The following CFAP46 variants were observed in gnomAD, a reference collection of about 807,000 sequenced individuals.
CFAP46 encodes cilia- and flagella-associated protein 46.
Under a neutral mutation model 325.7 loss-of-function variants are expected in CFAP46, and 245 were observed. The ratio of observed to expected loss-of-function variants is 0.75; its 90% confidence interval spans 0.68 to 0.84. The LOEUF is 0.84. Among genes scored for constraint, CFAP46 ranks in the 40% least tolerant of loss-of-function variants. The probability of loss-of-function intolerance (pLI) is 0.00; values close to 1 mark genes in which losing one functional copy is unlikely to be tolerated. For missense variants in CFAP46, 3,346 were observed against 3,543.0 expected (o/e 0.94, Z 1.41); for synonymous variants, 1,523 against 1,495.9 (o/e 1.02, Z -0.42).
At position 132,847,362 on chromosome 10, in the gene CFAP46, C is replaced by G; in HGVS notation, c.5953-41G>C. On this transcript the variant is annotated intron_variant, in intron 41 of 57. Coordinates refer to ENST00000368586, the MANE Select transcript of CFAP46 (RefSeq NM_001200049.3). The surrounding 1 kb of genome is among the most constrained non-coding windows in gnomAD (Gnocchi z 5.2). ...CAGGTTGGCAGACACTTCTGGGTTCCTGCTTGGTCGGCGTGGGGAGGGCCC... is the reference window on the plus strand; with the variant it reads ...CAGGTTGGCAGACACTTCTGGGTTCGTGCTTGGTCGGCGTGGGGAGGGCCC... 6.2e-7 allele frequency: 1 copy of G among 1,606,792 alleles called. No individual in the cohort carries two copies. Among genetic ancestry groups the G allele is most frequent in the Non-Finnish European group, 8.5e-7 (1 of 1,175,144 alleles).
intron 35 of CFAP46, among the ~76,000 whole-genome samples, chr10:132,861,540 C>T (rs957921222): frequency 5.3e-5 from 8 of 152,326 alleles, no homozygotes; most frequent in Middle Eastern, 6.8e-3. Context: ...GGATGCTGAG[C>T]GGCTCAGAGC....
chr10:132,890,531 G>A (rs761148950), intron 25 of CFAP46, among the ~76,000 whole-genome samples: 1 of 152,200 alleles, frequency 6.6e-6, no homozygotes, highest in African/African-American at 2.4e-5. Flanking sequence ...CCAGCAACCA[G>A]TGCGGAGTCC....
intron 19 of CFAP46, among the ~76,000 whole-genome samples, chr10:132,912,414 A>ATC (rs202173092): frequency 3.3e-5 from 2 of 60,758 alleles, no homozygotes; most frequent in Non-Finnish European, 3.3e-5. Context: ...CTCTCTGCTC[A>ATC]TCTCTCTCTC....
At chr10:132,852,020 T>TA (rs1848559267) in intron 39 of CFAP46, among the ~76,000 whole-genome samples, 1 of 151,722 alleles carries the variant, frequency 6.6e-6, no homozygotes, top group Non-Finnish European at 1.5e-5. Flanking sequence ...TCCATTTACT[T>TA]AGACATTCTC....
intron 50 of CFAP46, among the ~76,000 whole-genome samples, chr10:132,824,599 C>CTG (rs1221528375): frequency 2.1e-3 from 205 of 95,508 alleles, no homozygotes; most frequent in African/African-American, 9.2e-3. Flanking sequence ...CTGATGTGTG[C>CTG]TGTGTGTGCT....
At chr10:132,844,018 G>C (rs1476988870) in intron 44 of CFAP46, among the ~76,000 whole-genome samples, 1 of 102,358 alleles carries the variant, frequency 9.8e-6, no homozygotes, top group African/African-American at 3.8e-5. Flanking sequence ...GTGGGGCTCT[G>C]GTCTCGGTGG....
chr10:132,815,446 G>A (rs1011462173), intron 50 of CFAP46, among the ~76,000 whole-genome samples: 34 of 152,268 alleles, frequency 2.2e-4, no homozygotes, highest in Non-Finnish European at 4.7e-4. Context: ...CAAAGAGGCT[G>A]CTTCTGAGGG....
chr10:132,833,384 C>T lies in CFAP46; in HGVS notation c.7091G>A (p.Trp2364Ter). Residue 2364 changes from tryptophan (W) to a stop codon, truncating the protein, a stop_gained, in exon 50 of 58, where the codon TGG becomes TAG. Transcript: ENST00000368586. LOFTEE classifies it high-confidence loss of function. ...TGTCTCTTCTTTATGGAGGCGATTC[C>T]ACAGCATTTGAAGAGAAAATTCTCG... ...VSREFSLQML[W>*]NRLHKEETEG... 6.2e-7 allele frequency: 1 copy of T among 1,614,000 alleles called. No individual in the cohort carries two copies. The highest frequency in any genetic ancestry group is 8.5e-7 in the Non-Finnish European group (1 of 1,179,984).
intron 50 of CFAP46, among the ~76,000 whole-genome samples, chr10:132,824,740 G>A (rs1323343323): frequency 1.1e-4 from 11 of 97,892 alleles, no homozygotes; most frequent in South Asian, 4.0e-4. Context: ...CTGTGTGTGT[G>A]CTGTGTGCTG....
At chr10:132,928,077 A>G (rs1031111243) in intron 9 of CFAP46, among the ~76,000 whole-genome samples, 6 of 152,168 alleles carry the variant, frequency 3.9e-5, no homozygotes, top group Admixed American at 6.5e-5. Flanking sequence ...GGGCCACAGG[A>G]GCCTCCCTAA....
intron 7 of CFAP46, among the ~76,000 whole-genome samples, chr10:132,935,435 C>T (rs867367855): frequency 2.9e-4 from 40 of 139,722 alleles, no homozygotes; most frequent in African/African-American, 6.5e-4. Flanking sequence ...TCATTCCCCT[C>T]AGCACCCAAA....
intron 10 of CFAP46, among the ~76,000 whole-genome samples, 175 bp from the exon 11 acceptor site, chr10:132,925,061 T>C (rs1047933243): frequency 3.3e-5 from 5 of 152,202 alleles, no homozygotes; most frequent in East Asian, 1.9e-4. Flanking sequence ...TAGGAGGAAG[T>C]GGACGTCTCA....
At chr10:132,907,349 G>C (rs1396476290) in intron 22 of CFAP46, among the ~76,000 whole-genome samples, 1 of 152,208 alleles carries the variant, frequency 6.6e-6, no homozygotes, top group Non-Finnish European at 1.5e-5. Flanking sequence ...GATTAGGGAT[G>C]ATAACAATTG....
chr10:132,822,460 TGA>T (rs1847881604), intron 50 of CFAP46, among the ~76,000 whole-genome samples: 1 of 143,460 alleles, frequency 7.0e-6, no homozygotes, highest in African/African-American at 2.6e-5. Flanking sequence ...GTGTGCTGTG[TGA>T]GTGCTGATGT....
At chr10:132,844,198 T>C (rs1848397447) in intron 44 of CFAP46, among the ~76,000 whole-genome samples, 1 of 151,528 alleles carries the variant, frequency 6.6e-6, no homozygotes, top group Admixed American at 6.6e-5. Context: ...GCTGCGGGGC[T>C]GCTCCTGGTG....
chr10:132,844,372 A>G (rs968333287), intron 44 of CFAP46, among the ~76,000 whole-genome samples: 1 of 152,112 alleles, frequency 6.6e-6, no homozygotes, highest in Non-Finnish European at 1.5e-5. Flanking sequence ...GGGTTGACTC[A>G]ATGCTCTCAG....
intron 8 of CFAP46, among the ~76,000 whole-genome samples, chr10:132,930,548 G>A (rs1185091316): frequency 2.1e-5 from 1 of 48,066 alleles, no homozygotes; most frequent in African/African-American, 8.5e-5. Flanking sequence ...CCCACACTCC[G>A]CACACAGAGC....
chr10:132,941,842 C>G, intron 2 of CFAP46, 120 bp from the exon 3 acceptor site: 2 of 1,524,204 alleles, frequency 1.3e-6, no homozygotes, highest in Non-Finnish European at 8.8e-7. Context: ...GTTTCCAGCC[C>G]CATCCTCCAT....
chr10:132,883,694 C>G (rs1564789145), intron 27 of CFAP46, among the ~76,000 whole-genome samples: 1 of 152,246 alleles, frequency 6.6e-6, no homozygotes, highest in South Asian at 2.1e-4. Context: ...TCACAGCAGG[C>G]AGACAATGGG....
Sources: gnomAD v4.1 joint callset for allele counts (sites outside exome capture counted in the v4.1 genomes callset) on GRCh38, gnomAD v4.1.1 for gene constraint, Gnocchi (gnomAD v3.1) non-coding constraint, MANE v1.5 for transcripts, NCBI Gene and HGNC (gene_info 2026-07-23, HGNC 2026-07-21) for gene names.